Variants in LARP1B observed in about 807,000 individuals in gnomAD.
LARP1B encodes the protein la-related protein 1B.
Under a neutral mutation model 114.2 loss-of-function variants are expected in LARP1B, and 76 were observed. The observed-to-expected ratio is 0.67, with a 90% confidence interval of 0.55 to 0.81. LARP1B has a LOEUF of 0.81. Among genes scored for constraint, LARP1B ranks in the 30% least tolerant of loss-of-function variants. LARP1B has a pLI of 0.00. For synonymous variants in LARP1B, 345 were observed against 348.0 expected (o/e 0.99, Z 0.10); for missense variants, 1,014 against 1,075.8 (o/e 0.94, Z 0.80).
At position 128,211,407 on chromosome 4, in the gene LARP1B, G is replaced by T. The variant is rs958606112; in HGVS notation, c.*1354G>T. ...AATATTGAAATACATATAATCTTTG[G>T]ATGGATGGGCTGTTAATTTGTAAAT... On this transcript the variant is annotated 3_prime_UTR_variant, in exon 20 of 20. Transcript: ENST00000326639. 1.2e-5 allele frequency: 11 copies of T among 920,692 alleles called. No homozygotes were observed. In the African/African-American group the frequency reaches 1.6e-4, roughly 13 times the overall value. 57.0% of individuals were successfully genotyped at this position (920,692 alleles called of 1,614,324 possible). A position where few individuals can be genotyped will look rare whatever the true frequency, so the allele number is the denominator to read the frequency against.
intron 1 of LARP1B, among the ~76,000 whole-genome samples, chr4:128,071,263 G>C (rs1429018976): frequency 6.6e-6 from 1 of 151,846 alleles, no homozygotes; most frequent in Non-Finnish European, 1.5e-5. Flanking sequence ...AGCCAGGATG[G>C]TCTCGATCTC....
At chr4:128,204,639 G>C (rs1045780429) in intron 17 of LARP1B, among the ~76,000 whole-genome samples, 1 of 148,740 alleles carries the variant, frequency 6.7e-6, no homozygotes, top group African/African-American at 2.5e-5. Flanking sequence ...TGGGCAACAA[G>C]AGTAAAACTC....
At chr4:128,202,859 G>A (rs986900810) in intron 17 of LARP1B, among the ~76,000 whole-genome samples, 10 of 152,160 alleles carry the variant, frequency 6.6e-5, no homozygotes, top group Admixed American at 1.3e-4. Flanking sequence ...TTAATTTACT[G>A]TGGCCTTGGC....
intron 10 of LARP1B, among the ~76,000 whole-genome samples, chr4:128,119,029 C>T (rs1198093591): frequency 2.0e-5 from 3 of 151,824 alleles, no homozygotes; most frequent in East Asian, 1.9e-4. Flanking sequence ...TACAGGCACC[C>T]GCCGCCATGC....
intron 5 of LARP1B, among the ~76,000 whole-genome samples, chr4:128,090,154 C>A (rs1487241067): frequency 6.6e-6 from 1 of 151,230 alleles, no homozygotes; most frequent in Non-Finnish European, 1.5e-5. Context: ...CTCAATGCAA[C>A]CCCTGCCTCC....
intron 9 of LARP1B, 172 bp downstream of exon 9, chr4:128,107,485 TTAAA>T (rs1782513687): frequency 1.4e-6 from 2 of 1,431,984 alleles, no homozygotes; most frequent in Non-Finnish European, 1.8e-6. Context: ...GAGTTACAAA[TTAAA>T]TAAGGATTTA....
chr4:128,152,201 A>T, intron 11 of LARP1B, among the ~76,000 whole-genome samples: 1 of 140,090 alleles, frequency 7.1e-6, no homozygotes, highest in Non-Finnish European at 1.5e-5. Flanking sequence ...TTATTATAAG[A>T]TGGTGATTTT....
At chr4:128,107,523 AT>A in intron 9 of LARP1B, 1 of 1,399,458 alleles carries the variant, frequency 7.1e-7, no homozygotes, top group Non-Finnish European at 9.4e-7. Context: ...AAGCTGTCTT[AT>A]GTTTCTTGTT....
intron 8 of LARP1B, among the ~76,000 whole-genome samples, chr4:128,101,395 A>G (rs1318995657): frequency 2.6e-5 from 4 of 151,898 alleles, no homozygotes; most frequent in South Asian, 2.1e-4. Flanking sequence ...TGATTTTACT[A>G]TAGTAAAGTC....
At chr4:128,197,251 C>T (rs1485167677) in intron 15 of LARP1B, among the ~76,000 whole-genome samples, 2 of 152,078 alleles carry the variant, frequency 1.3e-5, no homozygotes, top group African/African-American at 4.8e-5. Context: ...TCCTAAAATT[C>T]TTTTTTATTT....
intron 9 of LARP1B, 128 bp from the exon 10 acceptor site, chr4:128,114,442 C>T: frequency 2.9e-6 from 2 of 678,558 alleles, no homozygotes; most frequent in Non-Finnish European, 5.0e-6. Flanking sequence ...CACTGGAAAG[C>T]TTACAGTTGA....
chr4:128,144,510 GT>G (rs982443758), intron 11 of LARP1B, among the ~76,000 whole-genome samples: 1 of 150,848 alleles, frequency 6.6e-6, no homozygotes. Context: ...GGTTCTTTCT[GT>G]TTTTTTTGTT....
chr4:128,106,522 G>C (rs1227104954), intron 8 of LARP1B, among the ~76,000 whole-genome samples: 2 of 151,560 alleles, frequency 1.3e-5, no homozygotes, highest in African/African-American at 4.9e-5. Context: ...AGAAATTTTG[G>C]CCTAGTTTTG....
chr4:128,101,082 T>C (rs1780169845), intron 8 of LARP1B, among the ~76,000 whole-genome samples: 1 of 151,050 alleles, frequency 6.6e-6, no homozygotes, highest in Non-Finnish European at 1.5e-5. Flanking sequence ...CCTCCCAAAG[T>C]GCTGGGATTA....
At chr4:128,088,669 A>G (rs935430419) in intron 5 of LARP1B, among the ~76,000 whole-genome samples, 1 of 152,196 alleles carries the variant, frequency 6.6e-6, no homozygotes, top group African/African-American at 2.4e-5. Context: ...AAATCAGTAT[A>G]TTGGTTCATG....
intron 4 of LARP1B, among the ~76,000 whole-genome samples, chr4:128,080,825 T>C (rs555629595): frequency 6.6e-6 from 1 of 152,300 alleles, no homozygotes; most frequent in Admixed American, 6.5e-5. Flanking sequence ...AAACAAATTT[T>C]ATACTTATCC....
intron 8 of LARP1B, among the ~76,000 whole-genome samples, chr4:128,102,055 G>A (rs1173400169): frequency 6.6e-6 from 1 of 152,152 alleles, no homozygotes; most frequent in African/African-American, 2.4e-5. Context: ...GGTTAGCACT[G>A]ATACAGTAGC....
At chr4:128,206,145 A>T (rs1431196072) in intron 17 of LARP1B, among the ~76,000 whole-genome samples, 1 of 152,070 alleles carries the variant, frequency 6.6e-6, no homozygotes, top group African/African-American at 2.4e-5. Context: ...ACAAAAAATT[A>T]GCTGGATGTG....
intron 7 of LARP1B, chr4:128,092,975 C>G (rs1580221258): frequency 1.0e-6 from 1 of 985,394 alleles, no homozygotes; most frequent in South Asian, 4.7e-5. Flanking sequence ...AGGAGCAGAG[C>G]TACTTCAGTG....
Sources: allele counts gnomAD v4.1 joint callset (sites outside exome capture counted in the v4.1 genomes callset), GRCh38; gene constraint gnomAD v4.1.1; transcripts MANE v1.5; gene names NCBI Gene and HGNC (gene_info 2026-07-23, HGNC 2026-07-21).